The following ZDHHC3 variants were observed in gnomAD, a reference collection of about 807,000 sequenced individuals.
ZDHHC3 encodes the protein palmitoyltransferase ZDHHC3.
Under a neutral mutation model 30.6 loss-of-function variants are expected in ZDHHC3, and 9 were observed. That is an observed-to-expected ratio of 0.29 (90% CI 0.18 to 0.51). ZDHHC3 has a LOEUF of 0.51. Among genes scored for constraint, ZDHHC3 ranks in the 20% least tolerant of loss-of-function variants. The pLI is 0.97. For synonymous variants in ZDHHC3, 136 were observed against 140.2 expected (o/e 0.97, Z 0.21); for missense variants, 246 against 384.2 (o/e 0.64, Z 3.01).
chr3:44,923,022 G>A lies in ZDHHC3; in HGVS notation c.*3667C>T. The A allele has an allele frequency of 1.1e-5, 11 of 981,860 alleles. No homozygotes were observed. Among genetic ancestry groups the A allele is most frequent in the Non-Finnish European group, 1.3e-5 (11 of 827,786 alleles). The allele number at this position is 981,860 out of a possible 1,614,324, so 60.8% of individuals were successfully genotyped here. On this transcript the variant is annotated 3_prime_UTR_variant, in exon 7 of 7. Coordinates refer to ENST00000424952, the MANE Select transcript of ZDHHC3 (RefSeq NM_001135179.2). Reference sequence around the variant, plus strand: ...AGCCTGGCTGAGAAAGCCCATCCCAGCCCACCCGGAGAGGAGTTTCTGTGT... The same window carrying A: ...AGCCTGGCTGAGAAAGCCCATCCCAACCCACCCGGAGAGGAGTTTCTGTGT...
At chr3:44,966,130 CA>C (rs1704934454) in intron 1 of ZDHHC3, among the ~76,000 whole-genome samples, 1 of 152,160 alleles carries the variant, frequency 6.6e-6, no homozygotes, top group Non-Finnish European at 1.5e-5. Flanking sequence ...ATACTTAAAA[CA>C]AAAATTGAGG....
Position 44,919,037 on chromosome 3 carries a change from T to C in ZDHHC3, c.*7652A>G, listed in dbSNP as rs562300997. 1.0e-6 allele frequency: 1 copy of C among 985,446 alleles called. No homozygotes were observed. Among genetic ancestry groups the C allele is most frequent in the Admixed American group, 6.1e-5 (1 of 16,294 alleles). The allele number at this position is 985,446 out of a possible 1,614,324, so 61.0% of individuals were successfully genotyped here. A position where few individuals can be genotyped will look rare whatever the true frequency, so the allele number is the denominator to read the frequency against. The stretch of plus-strand genomic sequence containing the variant: ...CTTCACATGACTCAAGAAAGATCTC[T>C]GTGTATCTAGCACTTTTTCTTCCCA... On this transcript the variant is annotated 3_prime_UTR_variant, in exon 7 of 7. Coordinates refer to ENST00000424952, the MANE Select transcript of ZDHHC3 (RefSeq NM_001135179.2).
intron 1 of ZDHHC3, among the ~76,000 whole-genome samples, chr3:44,969,103 T>G (rs1399085777): frequency 3.3e-5 from 5 of 152,230 alleles, no homozygotes; most frequent in Non-Finnish European, 7.3e-5. Context: ...AGCTACCCAA[T>G]GAACACTTGC....
rs1472199015 is a variant in ZDHHC3, at chr3:44,915,265, G to A, written c.*11424C>T. 1 of 152,166 alleles carries A rather than the reference G, an allele frequency of 6.6e-6. No individual in the cohort carries two copies. The highest frequency in any genetic ancestry group is 1.5e-5 in the Non-Finnish European group (1 of 68,054). The allele number at this position is 152,166 out of a possible 1,614,324, so 9.4% of individuals were successfully genotyped here. A position where few individuals can be genotyped will look rare whatever the true frequency, so the allele number is the denominator to read the frequency against. On this transcript the variant is annotated 3_prime_UTR_variant, in exon 7 of 7. Coordinates refer to ENST00000424952, the MANE Select transcript of ZDHHC3 (RefSeq NM_001135179.2). ...AAAACAGGAGACTCCAGTCACTGAG[G>A]GTGAGCAAAGAGCTTTTTATTCAAA...
intron 1 of ZDHHC3, among the ~76,000 whole-genome samples, chr3:44,968,045 C>T (rs1025464788): frequency 4.6e-5 from 7 of 152,024 alleles, no homozygotes; most frequent in Non-Finnish European, 1.0e-4. Flanking sequence ...TTCCCAAGGT[C>T]GCATTGAGTG....
intron 5 of ZDHHC3, among the ~76,000 whole-genome samples, chr3:44,931,185 T>G (rs1701455709): frequency 6.6e-6 from 1 of 152,170 alleles, no homozygotes; most frequent in African/African-American, 2.4e-5. Flanking sequence ...TTGTTTTCCT[T>G]TCTGTACAGG....
intron 3 of ZDHHC3, among the ~76,000 whole-genome samples, chr3:44,935,204 A>G (rs1701847449): frequency 6.6e-6 from 1 of 152,230 alleles, no homozygotes; most frequent in Non-Finnish European, 1.5e-5. Context: ...TATTAGGCCT[A>G]GAGAGGCACT....
At position 44,942,259 on chromosome 3, in the gene ZDHHC3, AGTCT is replaced by A. The variant is rs770596797; in HGVS notation, c.431+2905_431+2908del. Among the ~76,000 whole-genome samples the A allele has an allele frequency of 2.3e-4, 35 of 152,226 alleles. 2 individuals carry two copies. Among genetic ancestry groups the A allele is most frequent in the Non-Finnish European group, 7.3e-5 (5 of 68,030 alleles). ...GGGCTCAACGACTATAAACAAACCC[AGTCT>A]GTCTGGTATGCTGGAGATTCTGCTT... On this transcript the variant is annotated intron_variant, in intron 3 of 6. Transcript: ENST00000424952.
chr3:44,933,021 C>T (rs1401357726), intron 5 of ZDHHC3, 97 bp downstream of exon 5: 2 of 1,613,476 alleles, frequency 1.2e-6, no homozygotes, highest in East Asian at 2.2e-5. Context: ...ATGAGGTTGG[C>T]CCCTGGCACC....
chr3:44,946,443 G>A (rs946499789), intron 2 of ZDHHC3, among the ~76,000 whole-genome samples: 1 of 152,226 alleles, frequency 6.6e-6, no homozygotes, highest in Non-Finnish European at 1.5e-5. Context: ...GCTGAGCCCT[G>A]TGCTCTCATG....
Position 44,919,039 on chromosome 3 carries a change from T to C in ZDHHC3, c.*7650A>G, listed in dbSNP as rs1456260644. On this transcript the variant is annotated 3_prime_UTR_variant, in exon 7 of 7. Coordinates refer to ENST00000424952, the MANE Select transcript of ZDHHC3 (RefSeq NM_001135179.2). ...TCACATGACTCAAGAAAGATCTCTGTGTATCTAGCACTTTTTCTTCCCACG... is the reference window on the plus strand; with the variant it reads ...TCACATGACTCAAGAAAGATCTCTGCGTATCTAGCACTTTTTCTTCCCACG... The C allele has an allele frequency of 1.0e-6, 1 of 985,346 alleles. No individual in the cohort carries two copies. Among genetic ancestry groups the C allele is most frequent in the African/African-American group, 1.7e-5 (1 of 57,250 alleles). The allele number at this position is 985,346 out of a possible 1,614,324, so 61.0% of individuals were successfully genotyped here. A position where few individuals can be genotyped will look rare whatever the true frequency, so the allele number is the denominator to read the frequency against.
In ZDHHC3 at chr3:44,920,763, T is replaced by C; in HGVS notation, c.*5926A>G. ...ATGTGGCATGCTCCCAGATAGGCAC[T>C]CTTGGATTATACTCAACCTCCTCAC... On this transcript the variant is annotated 3_prime_UTR_variant, in exon 7 of 7. Coordinates refer to ENST00000424952, the MANE Select transcript of ZDHHC3 (RefSeq NM_001135179.2). The C allele has an allele frequency of 6.1e-6, 6 of 985,418 alleles. No homozygotes were observed. The highest frequency in any genetic ancestry group is 7.2e-6 in the Non-Finnish European group (6 of 829,932). The allele number at this position is 985,418 out of a possible 1,614,324, so 61.0% of individuals were successfully genotyped here.
At chr3:44,975,766 T>TCACACACACACA (rs1163057741) in intron 1 of ZDHHC3, among the ~76,000 whole-genome samples, 167 bp downstream of exon 1, 5 of 144,346 alleles carry the variant, frequency 3.5e-5, no homozygotes, top group African/African-American at 1.4e-4. Context: ...TCTCTCTCTC[T>TCACACACACACA]CTCTCTCACA....
Position 44,918,510 on chromosome 3 carries a change from CCT to C in ZDHHC3, c.*8177_*8178del. On this transcript the variant is annotated 3_prime_UTR_variant, in exon 7 of 7. Transcript: ENST00000424952. ...CTGAGGCATAAGGGGGACCACACAT[CCT>C]CTGAGGCCACTACAAACTGGTGATC... The C allele has an allele frequency of 1.0e-6, 1 of 985,432 alleles. No homozygotes were observed. The highest frequency in any genetic ancestry group is 1.2e-6 in the Non-Finnish European group (1 of 829,938). 61.0% of individuals were successfully genotyped at this position (985,432 alleles called of 1,614,324 possible).
chr3:44,925,977 C>G lies in ZDHHC3; in HGVS notation c.*712G>C, dbSNP rs1229905950. Reference sequence around the variant, plus strand: ...TTGAACTGGAAAAACGTCTTTCCTACACACTCTTCCAAATAATCACAGGGA... The same window carrying G: ...TTGAACTGGAAAAACGTCTTTCCTAGACACTCTTCCAAATAATCACAGGGA... On this transcript the variant is annotated 3_prime_UTR_variant, in exon 7 of 7. Transcript: ENST00000424952. 1 of 985,672 alleles carries G rather than the reference C, an allele frequency of 1.0e-6. No homozygotes were observed. Among genetic ancestry groups the G allele is most frequent in the African/African-American group, 1.7e-5 (1 of 57,210 alleles). 61.1% of individuals were successfully genotyped at this position (985,672 alleles called of 1,614,324 possible). A position where few individuals can be genotyped will look rare whatever the true frequency, so the allele number is the denominator to read the frequency against.
At chr3:44,931,972 C>T (rs1701531408) in intron 5 of ZDHHC3, among the ~76,000 whole-genome samples, 1 of 152,210 alleles carries the variant, frequency 6.6e-6, no homozygotes, top group Admixed American at 6.5e-5. Flanking sequence ...ATGGTGCCTT[C>T]CAGCACCATT....
At chr3:44,936,108 G>A (rs1421671713) in intron 3 of ZDHHC3, among the ~76,000 whole-genome samples, 1 of 152,150 alleles carries the variant, frequency 6.6e-6, no homozygotes, top group Non-Finnish European at 1.5e-5. Flanking sequence ...TGCCAACTAT[G>A]CATCTGACAA....
At position 44,924,381 on chromosome 3, in the gene ZDHHC3, T is replaced by C. The variant is rs1700825232; in HGVS notation, c.*2308A>G. 2 of 985,456 alleles carry C rather than the reference T, an allele frequency of 2.0e-6. No individual in the cohort carries two copies. Among genetic ancestry groups the C allele is most frequent in the Non-Finnish European group, 2.4e-6 (2 of 829,930 alleles). The allele number at this position is 985,456 out of a possible 1,614,324, so 61.0% of individuals were successfully genotyped here. A position where few individuals can be genotyped will look rare whatever the true frequency, so the allele number is the denominator to read the frequency against. ...TGAAATAGGAAAAATGCCAGGAACC[T>C]TGGGGTATTCCTATCTTCTGAGAGC... is the stretch of plus-strand genomic sequence containing the variant. On this transcript the variant is annotated 3_prime_UTR_variant, in exon 7 of 7. Coordinates refer to ENST00000424952, the MANE Select transcript of ZDHHC3 (RefSeq NM_001135179.2).
rs1333054952 is a variant in ZDHHC3 at position 44,918,641 on chromosome 3, G to C, written c.*8048C>G. ...AAGGAGTGCAGGACACAAACAGCAT[G>C]CGAGGTGAAGAAGCGGGTGCTCGTA... On this transcript the variant is annotated 3_prime_UTR_variant, in exon 7 of 7. Coordinates refer to ENST00000424952, the MANE Select transcript of ZDHHC3 (RefSeq NM_001135179.2). 1 of 985,336 alleles carries C rather than the reference G, an allele frequency of 1.0e-6. No individual in the cohort carries two copies. Among genetic ancestry groups the C allele is most frequent in the Admixed American group, 6.1e-5 (1 of 16,270 alleles). The allele number at this position is 985,336 out of a possible 1,614,324, so 61.0% of individuals were successfully genotyped here.
Sources: allele counts gnomAD v4.1 joint callset (sites outside exome capture counted in the v4.1 genomes callset), GRCh38; gene constraint gnomAD v4.1.1; transcripts MANE v1.5; gene names NCBI Gene and HGNC (gene_info 2026-07-23, HGNC 2026-07-21).